TLE2: variants seen among roughly 807,000 people sequenced by gnomAD.
The protein encoded by TLE2 is transducin-like enhancer protein 2.
In TLE2, 74 loss-of-function variants were observed where a neutral mutation model predicts 97.2. The ratio of observed to expected loss-of-function variants is 0.76; its 90% CI spans 0.63 to 0.92. The LOEUF is 0.92. Among genes scored for constraint, TLE2 ranks in the 40% least tolerant of loss-of-function variants. The probability of loss-of-function intolerance (pLI) is 0.00; values close to 1 mark genes in which losing one functional copy is unlikely to be tolerated. For synonymous variants in TLE2, 499 were observed against 432.1 expected (o/e 1.15, Z -1.92); for missense variants, 1,038 against 1,008.7 (o/e 1.03, Z -0.39).
intron 1 of TLE2, 34 bp downstream of exon 1, chr19:3,028,847 C>T: frequency 6.2e-7 from 1 of 1,611,830 alleles, no homozygotes; most frequent in Non-Finnish European, 8.5e-7. Context: ...AGTTCCCGGA[C>T]ACTGGGGGCC....
intron 12 of TLE2, among the ~76,000 whole-genome samples, chr19:3,010,096 G>A (rs2089562925): frequency 6.6e-6 from 1 of 150,934 alleles, no homozygotes; most frequent in African/African-American, 2.4e-5. Flanking sequence ...GAGCACAGTG[G>A]CTCACGCCTG....
Position 3,014,630 on chromosome 19 carries a change from G to A in TLE2, c.679-16C>T. 6.3e-7 allele frequency: 1 copy of A among 1,588,730 alleles called. No individual in the cohort carries two copies. The highest frequency in any genetic ancestry group is 8.6e-7 in the Non-Finnish European group (1 of 1,167,138). On this transcript the variant is annotated splice_polypyrimidine_tract_variant and intron_variant, in intron 9 of 19. Coordinates refer to ENST00000262953, the MANE Select transcript of TLE2 (RefSeq NM_003260.5). ...CGTCGCTTTCCTGGGGGAAGATGGG[G>A]GAGAGAGCTCATTGTGGTCATGCCC...
At chr19:3,035,319 C>G (rs2090053663) in intron 1 of TLE2, among the ~76,000 whole-genome samples, 1 of 152,134 alleles carries the variant, frequency 6.6e-6, no homozygotes, top group Admixed American at 6.6e-5. Context: ...ACCTGCCAGG[C>G]GTGTTCCAAC....
chr19:3,041,029 T>A (rs1461728652), intron 1 of TLE2, among the ~76,000 whole-genome samples: 1 of 92,038 alleles, frequency 1.1e-5, no homozygotes, highest in East Asian at 2.7e-4. Context: ...TTTTTTTTTT[T>A]TTTTTTTTTT....
chr19:2,997,738 T>C lies in TLE2; in HGVS notation c.*110A>G. On this transcript the variant is annotated 3_prime_UTR_variant, in exon 20 of 20. Transcript: ENST00000262953. ...GTGAAGCCGTTGGCCAGAGAGCAGA[T>C]GGGATGTACGGTTCCTAGGCAGGGC... The C allele has an allele frequency of 1.3e-6, 1 of 761,228 alleles. No homozygotes were observed. Among genetic ancestry groups the C allele is most frequent in the South Asian group, 1.6e-5 (1 of 61,772 alleles). 47.2% of individuals were successfully genotyped at this position (761,228 alleles called of 1,614,324 possible).
chr19:3,036,362 C>T (rs928710687), intron 1 of TLE2, among the ~76,000 whole-genome samples: 2 of 152,242 alleles, frequency 1.3e-5, no homozygotes, highest in African/African-American at 4.8e-5. Context: ...TCGCCTCCCT[C>T]CCGCCAGCTC....
At chr19:3,001,450 T>C (rs1402952455) in intron 18 of TLE2, among the ~76,000 whole-genome samples, 2 of 151,862 alleles carry the variant, frequency 1.3e-5, no homozygotes, top group Non-Finnish European at 2.9e-5. Flanking sequence ...GTATAAGATA[T>C]CCCATGTACT....
chr19:3,017,432 GTTTT>G (rs773353073), intron 8 of TLE2, among the ~76,000 whole-genome samples: 2 of 140,540 alleles, frequency 1.4e-5, no homozygotes, highest in Non-Finnish European at 3.1e-5. Context: ...ACCTGGCCTG[GTTTT>G]TTTTTTTCTT....
chr19:3,028,741 T>C lies in TLE2; in HGVS notation c.87A>G (p.Lys29=), dbSNP rs562699107. 1.2e-6 allele frequency: 2 copies of C among 1,612,932 alleles called. No individual in the cohort carries two copies. The highest frequency in any genetic ancestry group is 3.3e-5 in the Admixed American group (2 of 60,018). Residue 29 remains lysine, a synonymous_variant, in exon 2 of 20, where the codon AAA becomes AAG. Transcript: ENST00000262953. ...FSILEICDRI[K]EEFQFLQAQY... is the part of the protein sequence containing the mutation. ...GAGCCTGAAGAAACTGGAATTCTTCTTTGATGCGGTCGCAGATCTCCAAGA... is the reference window on the plus strand; with the variant it reads ...GAGCCTGAAGAAACTGGAATTCTTCCTTGATGCGGTCGCAGATCTCCAAGA...
chr19:3,017,916 T>C (rs957919726), intron 7 of TLE2, 57 bp from the exon 8 acceptor site: 14 of 1,568,144 alleles, frequency 8.9e-6, no homozygotes, highest in Admixed American at 1.7e-5. Flanking sequence ...GGCGTTTGTA[T>C]CCACGGCGCC....
intron 1 of TLE2, among the ~76,000 whole-genome samples, chr19:3,035,672 C>T (rs1318263267): frequency 6.6e-6 from 1 of 152,154 alleles, no homozygotes; most frequent in Non-Finnish European, 1.5e-5. Context: ...CCAGCCAATC[C>T]GCTCGCGACG....
upstream of TLE2, among the ~76,000 whole-genome samples, chr19:3,030,716 G>A (rs758724878): frequency 1.3e-5 from 2 of 152,054 alleles, no homozygotes; most frequent in Non-Finnish European, 2.9e-5. Context: ...TTGAGCCCAG[G>A]AGTTCAAGAC....
At chr19:3,037,774 G>A (rs992500097) in intron 1 of TLE2, among the ~76,000 whole-genome samples, 2 of 152,058 alleles carry the variant, frequency 1.3e-5, no homozygotes, top group African/African-American at 2.4e-5. Flanking sequence ...TTCCTTGTCT[G>A]GAACACAAGA....
intron 1 of TLE2, among the ~76,000 whole-genome samples, chr19:3,045,437 C>A (rs1001182319): frequency 5.9e-5 from 9 of 152,166 alleles, no homozygotes; most frequent in African/African-American, 2.2e-4. Context: ...TGCTGCACCC[C>A]AACTCTGCCT....
At chr19:3,045,588 G>A (rs964409813) in intron 1 of TLE2, 27 of 303,096 alleles carry the variant, frequency 8.9e-5, no homozygotes, top group Non-Finnish European at 1.4e-4. Context: ...AGGCCAAGGC[G>A]GGCGGATCAC....
At chr19:3,016,366 G>A (rs1465532768) in intron 8 of TLE2, among the ~76,000 whole-genome samples, 2 of 144,966 alleles carry the variant, frequency 1.4e-5, no homozygotes, top group Non-Finnish European at 3.0e-5. Context: ...ACAAGGTCAG[G>A]AGATTGAGAC....
intron 5 of TLE2, among the ~76,000 whole-genome samples, chr19:3,022,981 G>GCC (rs891383927): frequency 1.6e-4 from 25 of 151,984 alleles, no homozygotes; most frequent in African/African-American, 5.8e-4. Context: ...GGTGGAGCTG[G>GCC]CCCTCGAGCT....
chr19:2,997,747 C>A lies in TLE2; in HGVS notation c.*101G>T. Reference sequence around the variant, plus strand: ...TTGGCCAGAGAGCAGATGGGATGTACGGTTCCTAGGCAGGGCTGGGAGGCG... The same window carrying A: ...TTGGCCAGAGAGCAGATGGGATGTAAGGTTCCTAGGCAGGGCTGGGAGGCG... On this transcript the variant is annotated 3_prime_UTR_variant, in exon 20 of 20. Coordinates refer to ENST00000262953, the MANE Select transcript of TLE2 (RefSeq NM_003260.5). The A allele has an allele frequency of 2.4e-6, 2 of 831,496 alleles. No individual in the cohort carries two copies. The highest frequency in any genetic ancestry group is 2.0e-6 in the Non-Finnish European group (1 of 502,300). The allele number at this position is 831,496 out of a possible 1,614,324, so 51.5% of individuals were successfully genotyped here.
upstream of TLE2, among the ~76,000 whole-genome samples, chr19:3,046,948 CCCT>C (rs2090146990): frequency 8.4e-6 from 1 of 119,588 alleles, no homozygotes; most frequent in African/African-American, 3.1e-5. Context: ...CCCTCCTCCT[CCCT>C]TCCCTCCCTC....
Sources: gnomAD v4.1 joint callset for allele counts (sites outside exome capture counted in the v4.1 genomes callset) on GRCh38, gnomAD v4.1.1 for gene constraint, MANE v1.5 for transcripts, NCBI Gene and HGNC (gene_info 2026-07-23, HGNC 2026-07-21) for gene names.